The following NPTN variants were observed in gnomAD, a reference collection of about 807,000 sequenced individuals.
The protein encoded by NPTN is neuroplastin.
NPTN carries 5 observed loss-of-function variants against 42.7 expected under a neutral mutation model. That is an observed-to-expected ratio of 0.12 (90% confidence interval 0.06 to 0.25). NPTN has a LOEUF of 0.25. NPTN is among the 10% of genes least tolerant of loss of function. The probability of loss-of-function intolerance (pLI) is 1.00; values close to 1 mark genes in which losing one functional copy is unlikely to be tolerated. For synonymous variants in NPTN, 180 were observed against 201.9 expected, an observed-to-expected ratio of 0.89 and a Z score of 0.92; for missense variants, 307 against 525.4, an observed-to-expected ratio of 0.58 and a Z score of 4.06.
chr15:73,629,405 C>T (rs1044265195), intron 1 of NPTN, among the ~76,000 whole-genome samples: 6 of 152,100 alleles, frequency 3.9e-5, no homozygotes, highest in Admixed American at 6.5e-5. Flanking sequence ...AGAGGAAACA[C>T]GCAATCAATT....
intron 4 of NPTN, 106 bp downstream of exon 4, chr15:73,587,418 G>A: frequency 1.3e-6 from 1 of 797,880 alleles, no homozygotes; most frequent in Non-Finnish European, 2.1e-6. Context: ...ATTATATTGT[G>A]TCTCGACATG....
chr15:73,576,892 A>G (rs543960104), intron 4 of NPTN, among the ~76,000 whole-genome samples: 1 of 152,238 alleles, frequency 6.6e-6, no homozygotes, highest in South Asian at 2.1e-4. Flanking sequence ...TTATAAATAA[A>G]TCAGTTCTAT....
intron 6 of NPTN, chr15:73,568,579 G>T (rs1895177682): frequency 1.0e-6 from 1 of 985,380 alleles, no homozygotes; most frequent in Non-Finnish European, 1.2e-6. Flanking sequence ...ATATGTAGCA[G>T]GAAAGAAATA....
intron 6 of NPTN, chr15:73,563,467 G>C: frequency 7.2e-7 from 1 of 1,379,374 alleles, no homozygotes; most frequent in Non-Finnish European, 9.4e-7. Flanking sequence ...CAGGTATGTT[G>C]TTTCAATGGT....
intron 6 of NPTN, chr15:73,567,455 T>C: frequency 2.0e-6 from 2 of 985,388 alleles, no homozygotes; most frequent in Non-Finnish European, 2.4e-6. Context: ...TCTTCGTTTA[T>C]TCCAAAAGGA....
rs533887040 is a variant in NPTN at position 73,560,584 on chromosome 15, T to C, written c.*479A>G. ...CAGCAGCTTAAAAATGAAACAAGCA[T>C]TTACTTTATTTTGGATTTCTCCCAC... is the stretch of plus-strand genomic sequence containing the variant. On this transcript the variant is annotated 3_prime_UTR_variant, in exon 9 of 9. Coordinates refer to ENST00000345330, the MANE Select transcript of NPTN (RefSeq NM_012428.4). 6.6e-6 allele frequency: 1 copy of C among 151,008 alleles called. No homozygotes were observed. Among genetic ancestry groups the C allele is most frequent in the Non-Finnish European group, 1.5e-5 (1 of 67,690 alleles). 9.4% of individuals were successfully genotyped at this position (151,008 alleles called of 1,614,324 possible). A position where few individuals can be genotyped will look rare whatever the true frequency, so the allele number is the denominator to read the frequency against.
intron 2 of NPTN, among the ~76,000 whole-genome samples, chr15:73,593,523 G>A (rs1177257573): frequency 6.6e-6 from 1 of 152,098 alleles, no homozygotes; most frequent in Non-Finnish European, 1.5e-5. Flanking sequence ...ACAGTATTGT[G>A]CTGAGCCTTA....
intron 1 of NPTN, among the ~76,000 whole-genome samples, chr15:73,605,003 T>C (rs558804993): frequency 2.0e-5 from 3 of 149,310 alleles, no homozygotes; most frequent in Admixed American, 2.0e-4. Context: ...AAGGCTGAGG[T>C]AAGAGGATCA....
intron 1 of NPTN, among the ~76,000 whole-genome samples, chr15:73,604,174 G>C (rs1398304683): frequency 6.6e-6 from 1 of 151,984 alleles, no homozygotes; most frequent in Admixed American, 6.6e-5. Context: ...TTAAAAGTAT[G>C]ATTTAAAAAA....
At chr15:73,568,122 G>T in intron 6 of NPTN, 1 of 985,408 alleles carries the variant, frequency 1.0e-6, no homozygotes, top group Non-Finnish European at 1.2e-6. Flanking sequence ...AAAAAGAGCT[G>T]CTTCCCTGGG....
At chr15:73,565,516 C>T (rs1894935400) in intron 6 of NPTN, among the ~76,000 whole-genome samples, 1 of 152,106 alleles carries the variant, frequency 6.6e-6, no homozygotes, top group South Asian at 2.1e-4. Flanking sequence ...TAAACAAACT[C>T]CAAAAGCATG....
intron 6 of NPTN, among the ~76,000 whole-genome samples, chr15:73,565,157 T>C (rs960906178): frequency 8.5e-5 from 13 of 152,332 alleles, no homozygotes; most frequent in African/African-American, 9.6e-5. Context: ...GTGGGAGCAG[T>C]TGAGATTCAC....
At chr15:73,603,782 A>G (rs1393434699) in intron 1 of NPTN, among the ~76,000 whole-genome samples, 4 of 152,236 alleles carry the variant, frequency 2.6e-5, no homozygotes, top group Non-Finnish European at 5.9e-5. Context: ...TTTACAAAAT[A>G]TAAGATGTAG....
At chr15:73,619,547 A>G (rs1301716295) in intron 1 of NPTN, among the ~76,000 whole-genome samples, 1 of 152,220 alleles carries the variant, frequency 6.6e-6, no homozygotes, top group Non-Finnish European at 1.5e-5. Context: ...CTTCAAAAAT[A>G]AAGACCACTG....
intron 5 of NPTN, among the ~76,000 whole-genome samples, chr15:73,572,424 A>T (rs1895460571): frequency 6.6e-6 from 1 of 152,174 alleles, no homozygotes; most frequent in Non-Finnish European, 1.5e-5. Context: ...TCTCCAAACA[A>T]CATCATGAAT....
chr15:73,623,425 G>A (rs896275760), intron 1 of NPTN, among the ~76,000 whole-genome samples: 1 of 152,188 alleles, frequency 6.6e-6, no homozygotes, highest in Admixed American at 6.5e-5. Flanking sequence ...TGTGGCTCAT[G>A]CCTGTAATCC....
intron 1 of NPTN, among the ~76,000 whole-genome samples, chr15:73,603,944 G>A (rs920925126): frequency 6.6e-6 from 1 of 152,118 alleles, no homozygotes; most frequent in Non-Finnish European, 1.5e-5. Flanking sequence ...GGGTAGTTGT[G>A]AAAATCATGT....
chr15:73,626,243 C>T (rs1367080512), intron 1 of NPTN, among the ~76,000 whole-genome samples: 2 of 152,198 alleles, frequency 1.3e-5, no homozygotes, highest in Non-Finnish European at 2.9e-5. Flanking sequence ...TCTTTATTCA[C>T]ACTGGCAATT....
intron 1 of NPTN, among the ~76,000 whole-genome samples, chr15:73,630,904 GAACTCA>G (rs1466789940): frequency 6.6e-6 from 1 of 152,114 alleles, no homozygotes; most frequent in African/African-American, 2.4e-5. Flanking sequence ...ATAACTATAG[GAACTCA>G]AACTCAAAAA....
Sources: gnomAD v4.1 joint callset for allele counts (sites outside exome capture counted in the v4.1 genomes callset) on GRCh38, gnomAD v4.1.1 for gene constraint, MANE v1.5 for transcripts, NCBI Gene and HGNC (gene_info 2026-07-23, HGNC 2026-07-21) for gene names.